The following NCK2 variants were observed in gnomAD, a reference collection of about 807,000 sequenced individuals.
NCK2 encodes the protein cytoplasmic protein NCK2.
Under a neutral mutation model 33.9 loss-of-function variants are expected in NCK2, and 16 were observed. The observed-to-expected ratio is 0.47, with a 90% CI of 0.32 to 0.72. The LOEUF is 0.72. Ranked by LOEUF, NCK2 falls within the 30% of genes least tolerant of loss-of-function variation. The pLI, the probability that NCK2 is intolerant of heterozygous loss-of-function variation, is 0.03. For missense variants in NCK2, 418 were observed against 537.3 expected (o/e 0.78, Z 2.19); for synonymous variants, 273 against 239.9 (o/e 1.14, Z -1.27).
At chr2:105,810,712 A>G (rs1457786265) in intron 1 of NCK2, among the ~76,000 whole-genome samples, 1 of 152,238 alleles carries the variant, frequency 6.6e-6, no homozygotes, top group Non-Finnish European at 1.5e-5. Flanking sequence ...ACACCTGGGC[A>G]GACCTTTTAG....
chr2:105,854,982 G>T, intron 2 of NCK2, 66 bp from the exon 3 acceptor site: 1 of 1,252,252 alleles, frequency 8.0e-7, no homozygotes, highest in Non-Finnish European at 1.1e-6. Context: ...AATTTTTCAA[G>T]TTGGTGCAAA....
At chr2:105,749,585 G>A (rs1010127644) in intron 1 of NCK2, among the ~76,000 whole-genome samples, 3 of 152,192 alleles carry the variant, frequency 2.0e-5, no homozygotes. Context: ...ACACCAACGT[G>A]TTGCTGGGTA....
At chr2:105,874,818 C>T (rs1678170544) in intron 3 of NCK2, among the ~76,000 whole-genome samples, 1 of 152,158 alleles carries the variant, frequency 6.6e-6, no homozygotes, top group Non-Finnish European at 1.5e-5. Flanking sequence ...TATTAGGACC[C>T]AATCTTTAAT....
At chr2:105,775,357 C>T (rs1027133297) in intron 1 of NCK2, among the ~76,000 whole-genome samples, 2 of 152,182 alleles carry the variant, frequency 1.3e-5, no homozygotes, top group South Asian at 4.1e-4. Context: ...CATTCCCTTC[C>T]CTGATCTCTG....
At chr2:105,850,321 A>T (rs1054434408) in intron 2 of NCK2, among the ~76,000 whole-genome samples, 2 of 152,206 alleles carry the variant, frequency 1.3e-5, no homozygotes, top group Admixed American at 1.3e-4. Context: ...TTAGAAAGAA[A>T]ATAGGGTCTT....
intron 1 of NCK2, among the ~76,000 whole-genome samples, chr2:105,767,253 T>C (rs4851853): frequency 0.34 from 51,236 of 152,162 alleles, 9,758 homozygotes; most frequent in East Asian, 0.46. Context: ...CAAATGCAAT[T>C]TGCTGTTAAT....
intron 1 of NCK2, among the ~76,000 whole-genome samples, chr2:105,776,021 G>GA (rs1690286411): frequency 6.6e-6 from 1 of 152,296 alleles, no homozygotes; most frequent in Admixed American, 6.5e-5. Flanking sequence ...GAAATAATTT[G>GA]AAAAAATGTC....
intron 2 of NCK2, among the ~76,000 whole-genome samples, chr2:105,825,489 G>T (rs150834184): frequency 1.7e-4 from 26 of 152,350 alleles, no homozygotes; most frequent in African/African-American, 5.8e-4. Flanking sequence ...GGGCACTGCA[G>T]CGCTTTGGAA....
At chr2:105,847,310 G>A (rs921630295) in intron 2 of NCK2, 16 of 151,384 alleles carry the variant, frequency 1.1e-4, no homozygotes, top group South Asian at 2.1e-4. Flanking sequence ...TAATCTGCAG[G>A]GGTTGGGTGA....
chr2:105,819,751 A>G (rs1200722480), intron 2 of NCK2, among the ~76,000 whole-genome samples: 1 of 152,222 alleles, frequency 6.6e-6, no homozygotes, highest in Admixed American at 6.5e-5. Flanking sequence ...ATAAGTTTAT[A>G]AGTTCCACAC....
At chr2:105,883,635 T>A (rs1678599222) in intron 4 of NCK2, among the ~76,000 whole-genome samples, 2 of 152,138 alleles carry the variant, frequency 1.3e-5, no homozygotes, top group Admixed American at 1.3e-4. Context: ...CATGCACAGG[T>A]GGTCATTGCT....
Position 105,893,023 on chromosome 2 carries a change from C to T in NCK2, c.990C>T (p.Asn330=). The T allele has an allele frequency of 6.2e-7, 1 of 1,613,992 alleles. No homozygotes were observed. The highest frequency in any genetic ancestry group is 8.5e-7 in the Non-Finnish European group (1 of 1,179,872). Residue 330 remains asparagine (N), a synonymous_variant, in exon 5 of 5, where the codon AAC becomes AAT. Transcript: ENST00000233154. ...FSVSLKASGK[N]KHFKVQLVDN... Reference sequence around the variant, plus strand: ...TGTCCCTTAAAGCGTCAGGGAAGAACAAACACTTCAAGGTGCAGCTCGTGG... The same window carrying T: ...TGTCCCTTAAAGCGTCAGGGAAGAATAAACACTTCAAGGTGCAGCTCGTGG...
chr2:105,774,296 A>G (rs1374551777), intron 1 of NCK2, among the ~76,000 whole-genome samples: 1 of 152,088 alleles, frequency 6.6e-6, no homozygotes, highest in Non-Finnish European at 1.5e-5. Context: ...GGTGTGAGCC[A>G]CTGTGCCCAG....
Position 105,861,135 on chromosome 2 carries a change from C to T in NCK2, c.226+5846C>T, listed in dbSNP as rs554586114. 2.6e-5 allele frequency among the ~76,000 whole-genome samples: 4 copies of T among 152,244 alleles called. No individual in the cohort carries two copies. The South Asian group carries it at 8.3e-4, about 32-fold the overall frequency. On this transcript the variant is annotated intron_variant, in intron 3 of 4. Transcript: ENST00000233154. ...AAAGTAAAATATAGATATGCCTTTA[C>T]TAGGGAGAAGAGAGCAATTTGAATT... is the stretch of plus-strand genomic sequence containing the variant.
chr2:105,835,692 T>G (rs985109324), intron 2 of NCK2, among the ~76,000 whole-genome samples: 1 of 151,854 alleles, frequency 6.6e-6, no homozygotes, highest in Non-Finnish European at 1.5e-5. Context: ...GGAAGTTTCC[T>G]GCTATTACTT....
In NCK2 at chr2:105,763,193, T is replaced by G. The variant is rs187482636; in HGVS notation, c.-201+18055T>G. ...AGCCTGGGCGACAGAACGAGACTCT[T>G]GTCTCCAAAAAAAACAAAACAAAAG... On this transcript the variant is annotated intron_variant, in intron 1 of 4. Transcript: ENST00000233154. Among the ~76,000 whole-genome samples the G allele has an allele frequency of 1.3e-5, 2 of 152,076 alleles. 1 individual carries two copies. Among genetic ancestry groups the G allele is most frequent in the Admixed American group, 1.3e-4 (2 of 15,282 alleles).
intron 1 of NCK2, among the ~76,000 whole-genome samples, chr2:105,803,956 G>T (rs1674938643): frequency 6.6e-6 from 1 of 152,210 alleles, no homozygotes; most frequent in African/African-American, 2.4e-5. Flanking sequence ...CATGTGCCTT[G>T]TGAGTTGTGA....
At chr2:105,792,182 A>C (rs1178639541) in intron 1 of NCK2, among the ~76,000 whole-genome samples, 1 of 152,158 alleles carries the variant, frequency 6.6e-6, no homozygotes, top group Non-Finnish European at 1.5e-5. Flanking sequence ...CTTCATATGT[A>C]GAAGATGGTT....
chr2:105,813,246 C>G (rs1286099624), intron 1 of NCK2, among the ~76,000 whole-genome samples: 4 of 152,172 alleles, frequency 2.6e-5, no homozygotes, highest in Admixed American at 2.0e-4. Flanking sequence ...TGTTCTTCTC[C>G]CAGCCTGTCA....
Sources: allele counts gnomAD v4.1 joint callset (sites outside exome capture counted in the v4.1 genomes callset), GRCh38; gene constraint gnomAD v4.1.1; transcripts MANE v1.5; gene names NCBI Gene and HGNC (gene_info 2026-07-23, HGNC 2026-07-21).